ANKRD44: variants seen among roughly 807,000 people sequenced by gnomAD.
ANKRD44 encodes the protein serine/threonine-protein phosphatase 6 regulatory ankyrin repeat subunit B.
In ANKRD44, 35 loss-of-function variants were observed where a neutral mutation model predicts 116.0. The observed-to-expected ratio is 0.30, with a 90% CI of 0.23 to 0.40. The LOEUF (loss-of-function observed/expected upper bound fraction) is 0.40. Among genes scored for constraint, ANKRD44 ranks in the 10% least tolerant of loss-of-function variants. The probability of loss-of-function intolerance (pLI) is 1.00; values close to 1 mark genes in which losing one functional copy is unlikely to be tolerated. For missense variants in ANKRD44, 1,014 were observed against 1,242.6 expected (o/e 0.82, Z 2.77); for synonymous variants, 435 against 461.8 (o/e 0.94, Z 0.74).
intron 1 of ANKRD44, among the ~76,000 whole-genome samples, chr2:197,274,964 T>C (rs1650601833): frequency 6.6e-6 from 1 of 152,008 alleles, no homozygotes; most frequent in Non-Finnish European, 1.5e-5. Flanking sequence ...TAGCCAGGTG[T>C]GGTGGCATGC....
chr2:197,244,909 T>C (rs542120618), intron 1 of ANKRD44, among the ~76,000 whole-genome samples: 7 of 152,222 alleles, frequency 4.6e-5, no homozygotes, highest in Non-Finnish European at 8.8e-5. Flanking sequence ...TGATGGGTTC[T>C]GCATCTGCCA....
intron 16 of ANKRD44, among the ~76,000 whole-genome samples, chr2:197,050,958 T>A (rs2077095254): frequency 7.0e-6 from 1 of 143,426 alleles, no homozygotes; most frequent in African/African-American, 2.6e-5. Context: ...ATTATTCAAA[T>A]GTCTCCCTTA....
intron 10 of ANKRD44, among the ~76,000 whole-genome samples, chr2:197,094,003 T>C (rs2078105142): frequency 6.6e-6 from 1 of 152,228 alleles, no homozygotes; most frequent in African/African-American, 2.4e-5. Context: ...TAGCTGTTAG[T>C]TGGCATCTCC....
intron 16 of ANKRD44, among the ~76,000 whole-genome samples, chr2:197,044,910 T>A (rs1311912689): frequency 6.6e-6 from 1 of 152,196 alleles, no homozygotes; most frequent in Non-Finnish European, 1.5e-5. Context: ...TTATTCATTG[T>A]AACAGCTTTG....
intron 1 of ANKRD44, among the ~76,000 whole-genome samples, chr2:197,308,152 GACACAC>G (rs368196906): frequency 7.0e-6 from 1 of 143,852 alleles, no homozygotes; most frequent in Non-Finnish European, 1.5e-5. Context: ...GTGAGACCCT[GACACAC>G]ACACACACAC....
At chr2:197,129,907 T>C (rs892088303) in intron 4 of ANKRD44, among the ~76,000 whole-genome samples, 3 of 152,250 alleles carry the variant, frequency 2.0e-5, no homozygotes, top group Non-Finnish European at 4.4e-5. Context: ...TCAAGTTTTA[T>C]AAATTACAAG....
intron 21 of ANKRD44, among the ~76,000 whole-genome samples, chr2:196,970,242 T>G (rs1287337193): frequency 6.6e-6 from 1 of 152,230 alleles, no homozygotes; most frequent in Non-Finnish European, 1.5e-5. Context: ...ACCATGGTTA[T>G]TCCTCAGCAT....
At chr2:196,990,074 T>C in intron 27 of ANKRD44, 1 of 1,009,964 alleles carries the variant, frequency 9.9e-7, no homozygotes, top group Non-Finnish European at 1.2e-6. Flanking sequence ...TTTCAATTCA[T>C]CTGGCAACTT....
intron 15 of ANKRD44, among the ~76,000 whole-genome samples, chr2:197,079,711 T>C (rs2077750897): frequency 6.6e-6 from 1 of 152,218 alleles, no homozygotes; most frequent in Non-Finnish European, 1.5e-5. Flanking sequence ...CTGATTCAAT[T>C]TCATACTCAA....
At chr2:197,144,465 T>A (rs113712436) in intron 3 of ANKRD44, among the ~76,000 whole-genome samples, 6,274 of 152,268 alleles carry the variant, frequency 0.041, 155 homozygotes, top group Middle Eastern at 0.078. Context: ...ACTTAATATA[T>A]AAATTGAGTA....
intron 21 of ANKRD44, among the ~76,000 whole-genome samples, chr2:196,971,579 T>C (rs905203900): frequency 1.3e-5 from 2 of 152,210 alleles, no homozygotes; most frequent in African/African-American, 4.8e-5. Flanking sequence ...AGAATTACAT[T>C]AAGATTTTCT....
chr2:196,979,299 C>T (rs1400873236), intron 21 of ANKRD44, among the ~76,000 whole-genome samples: 1 of 142,186 alleles, frequency 7.0e-6, no homozygotes, highest in African/African-American at 2.6e-5. Context: ...AGGAGAATGG[C>T]GTGAACCCGG....
chr2:197,114,454 A>G (rs1269690356), intron 8 of ANKRD44, among the ~76,000 whole-genome samples: 3 of 152,240 alleles, frequency 2.0e-5, no homozygotes, highest in Non-Finnish European at 2.9e-5. Flanking sequence ...TACAACAAAT[A>G]TTAGTACTCT....
intron 1 of ANKRD44, among the ~76,000 whole-genome samples, chr2:197,291,016 G>A (rs114106157): frequency 0.013 from 2,003 of 151,844 alleles, 39 homozygotes; most frequent in African/African-American, 0.046. Flanking sequence ...TCAGACTAGC[G>A]TGGGCAACAT....
rs2076247097 is a variant in ANKRD44 at position 197,008,934 on chromosome 2, G to A, written c.2012+10C>T. On this transcript the variant is annotated intron_variant, in intron 19 of 27. Coordinates refer to ENST00000282272, the MANE Select transcript of ANKRD44 (RefSeq NM_001195144.2). ...AATGTCAACCCAAGGCCACGTGTGA[G>A]CGCACTTACTGTCCTTTGGCATCTT... The A allele has an allele frequency of 2.5e-6, 4 of 1,613,544 alleles. No homozygotes were observed. Among genetic ancestry groups the A allele is most frequent in the African/African-American group, 1.3e-5 (1 of 74,914 alleles).
chr2:197,205,685 T>TA (rs1475944599), intron 1 of ANKRD44, among the ~76,000 whole-genome samples: 1 of 152,026 alleles, frequency 6.6e-6, no homozygotes, highest in Non-Finnish European at 1.5e-5. Context: ...ATGATCAAGA[T>TA]ACAGTCCCAG....
At chr2:197,086,872 T>A in intron 12 of ANKRD44, 124 bp from the exon 13 acceptor site, 1 of 774,662 alleles carries the variant, frequency 1.3e-6, no homozygotes, top group Non-Finnish European at 2.0e-6. Context: ...TAAATTCCGC[T>A]AATAAAAACC....
chr2:197,250,901 A>C (rs1332128942), intron 1 of ANKRD44: 1 of 152,154 alleles, frequency 6.6e-6, no homozygotes, highest in African/African-American at 2.4e-5. Flanking sequence ...AGTTAGTTAA[A>C]GGATGGTAAG....
chr2:197,097,538 C>T (rs1454386658), intron 10 of ANKRD44, among the ~76,000 whole-genome samples: 1 of 152,178 alleles, frequency 6.6e-6, no homozygotes, highest in Non-Finnish European at 1.5e-5. Flanking sequence ...GTTCTTTTGG[C>T]TCACAGCAGA....
Sources: allele counts gnomAD v4.1 joint callset (sites outside exome capture counted in the v4.1 genomes callset), GRCh38; gene constraint gnomAD v4.1.1; transcripts MANE v1.5; gene names NCBI Gene and HGNC (gene_info 2026-07-23, HGNC 2026-07-21).